Variants in PRH1 observed in about 807,000 individuals in gnomAD.
The protein encoded by PRH1 is salivary acidic proline-rich phosphoprotein 1/2.
Under a neutral mutation model 7.9 loss-of-function variants are expected in PRH1, and 7 were observed. The ratio of observed to expected loss-of-function variants is 0.89; its 90% CI spans 0.50 to 1.67. PRH1 has a LOEUF of 1.67. Ranked by LOEUF, PRH1 falls within the 40% of genes most tolerant of loss-of-function variation. PRH1 has a pLI of 0.00. For missense variants in PRH1, 109 were observed against 223.6 expected (o/e 0.49, Z 3.27); for synonymous variants, 45 against 80.8 (o/e 0.56, Z 2.38).
intron 1 of PRH1, among the ~76,000 whole-genome samples, chr12:11,045,429 T>C (rs987158215): frequency 1.3e-5 from 2 of 151,924 alleles, no homozygotes; most frequent in African/African-American, 4.8e-5. Context: ...TGAAAGAGTA[T>C]AACTGAATTG....
intron 1 of PRH1, among the ~76,000 whole-genome samples, chr12:11,155,499 A>G (rs1947223795): frequency 6.6e-6 from 1 of 152,252 alleles, no homozygotes; most frequent in Non-Finnish European, 1.5e-5. Flanking sequence ...ACTTTAACAC[A>G]GGAAGTTGTG....
intron 1 of PRH1, among the ~76,000 whole-genome samples, chr12:11,114,698 C>T (rs1945682917): frequency 6.6e-6 from 1 of 151,928 alleles, no homozygotes; most frequent in South Asian, 2.1e-4. Flanking sequence ...ATACACAGTA[C>T]AATAAGAAAT....
intron 2 of PRH1, chr12:10,931,065 T>C (rs1383565264): frequency 1.5e-5 from 23 of 1,570,216 alleles, no homozygotes; most frequent in Non-Finnish European, 1.9e-5. Context: ...CTCAGTAATC[T>C]AGGATTCAAT....
chr12:11,132,950 T>A (rs1174697668), intron 1 of PRH1: 2 of 222,064 alleles, frequency 9.0e-6, no homozygotes, highest in African/African-American at 2.3e-5. Context: ...AAGCTGTTAG[T>A]TCTTAATAAT....
chr12:10,909,373 G>C (rs1315256801), intron 2 of PRH1: 7 of 1,041,104 alleles, frequency 6.7e-6, no homozygotes, highest in Non-Finnish European at 8.6e-6. Flanking sequence ...TCACATCCTT[G>C]AGTGTCCAGT....
chr12:11,164,128 T>C (rs1947501031), intron 1 of PRH1, among the ~76,000 whole-genome samples: 2 of 152,162 alleles, frequency 1.3e-5, no homozygotes, highest in South Asian at 4.1e-4. Context: ...GTATAACTGG[T>C]AAAACATTAT....
At chr12:11,028,796 T>C (rs1378481473) in intron 1 of PRH1, among the ~76,000 whole-genome samples, 3 of 150,530 alleles carry the variant, frequency 2.0e-5, no homozygotes, top group Admixed American at 1.3e-4. Context: ...ATCAAGACTA[T>C]ATTATTGTCA....
At chr12:10,922,214 C>A (rs1950055796) in intron 2 of PRH1, among the ~76,000 whole-genome samples, 1 of 152,104 alleles carries the variant, frequency 6.6e-6, no homozygotes, top group African/African-American at 2.4e-5. Context: ...AACTTATTCA[C>A]CCTTCTTTAA....
At chr12:11,160,217 T>C (rs1467896700) in intron 1 of PRH1, among the ~76,000 whole-genome samples, 1 of 152,204 alleles carries the variant, frequency 6.6e-6, no homozygotes, top group African/African-American at 2.4e-5. Context: ...TCCTTCTACA[T>C]ACCAAGCATT....
intron 1 of PRH1, among the ~76,000 whole-genome samples, chr12:11,081,714 T>C (rs1355480327): frequency 4.9e-4 from 50 of 102,074 alleles, no homozygotes; most frequent in Non-Finnish European, 6.4e-4. Context: ...AGCTACGTTG[T>C]TGTATTCAAA....
At chr12:10,967,087 C>T (rs1455692261) in intron 2 of PRH1, among the ~76,000 whole-genome samples, 2 of 145,940 alleles carry the variant, frequency 1.4e-5, no homozygotes, top group African/African-American at 5.1e-5. Context: ...CGCACTCCAG[C>T]CTGGGCGACA....
intron 1 of PRH1, among the ~76,000 whole-genome samples, chr12:11,007,094 C>T (rs11054154): frequency 0.3 from 46,333 of 151,924 alleles, 8,930 homozygotes; most frequent in East Asian, 0.74. Context: ...AATGTCTAAA[C>T]TGTTAAAAGA....
At chr12:10,991,033 A>G (rs893890665) in intron 1 of PRH1, among the ~76,000 whole-genome samples, 2 of 152,192 alleles carry the variant, frequency 1.3e-5, no homozygotes, top group Non-Finnish European at 2.9e-5. Flanking sequence ...CCAAATGAAG[A>G]TGTCAAATGA....
intron 1 of PRH1, among the ~76,000 whole-genome samples, chr12:10,987,900 T>C (rs1939732694): frequency 6.6e-6 from 1 of 152,132 alleles, no homozygotes; most frequent in South Asian, 2.1e-4. Context: ...ATCTGTCCCC[T>C]GGACTCGGAG....
rs373805571 is a variant in PRH1, at chr12:11,074,269, G to A, written n.124-27081C>T. The stretch of plus-strand genomic sequence containing the variant: ...GAGAACTTATTTGGAGATTAGTTTT[G>A]GGGAAGGAGCATAAAGCATCCTGCC... On this transcript the variant is annotated intron_variant and non_coding_transcript_variant, in intron 1 of 4. Coordinates refer to the PRH1 transcript ENST00000541977. Among the ~76,000 whole-genome samples, 19 of 130,112 alleles carry A rather than the reference G, an allele frequency of 1.5e-4. No homozygotes were observed. In the East Asian group the frequency reaches 4.3e-3, roughly 29 times the overall value. 85.4% of individuals were successfully genotyped at this position (130,112 alleles called of 152,430 possible).
intron 1 of PRH1, chr12:11,134,224 G>C (rs767655943): frequency 1.2e-6 from 2 of 1,612,940 alleles, no homozygotes; most frequent in Non-Finnish European, 1.7e-6. Context: ...TGGAAAAAAT[G>C]ATGGGCAGAA....
At chr12:11,170,530 G>C (rs1374560632) in intron 1 of PRH1, among the ~76,000 whole-genome samples, 1 of 152,222 alleles carries the variant, frequency 6.6e-6, no homozygotes, top group Non-Finnish European at 1.5e-5. Flanking sequence ...CTGGGCGACA[G>C]AGCGAGACTC....
intron 2 of PRH1, among the ~76,000 whole-genome samples, chr12:10,916,606 C>A (rs1471173925): frequency 6.6e-6 from 1 of 151,796 alleles, no homozygotes; most frequent in Non-Finnish European, 1.5e-5. Context: ...TGGGCTCTCA[C>A]CAAGACAGTG....
At chr12:10,963,327 T>C (rs949855737) in intron 2 of PRH1, among the ~76,000 whole-genome samples, 4 of 152,212 alleles carry the variant, frequency 2.6e-5, no homozygotes, top group Non-Finnish European at 2.9e-5. Context: ...TAATAAAACA[T>C]ATATTTAAGT....
Sources: allele counts gnomAD v4.1 joint callset (sites outside exome capture counted in the v4.1 genomes callset), GRCh38; gene constraint gnomAD v4.1.1; transcripts MANE v1.5; gene names NCBI Gene and HGNC (gene_info 2026-07-23, HGNC 2026-07-21).